The following RAD51B variants were observed in gnomAD, a reference collection of about 807,000 sequenced individuals.
The protein encoded by RAD51B is DNA repair protein RAD51 homolog 2.
A neutral mutation model predicts 42.2 loss-of-function variants in RAD51B; 38 were observed. That is an observed-to-expected ratio of 0.90 (90% CI 0.70 to 1.18). The LOEUF is 1.18. RAD51B is among the 50% of genes most tolerant of loss of function. The pLI, the probability that RAD51B is intolerant of heterozygous loss-of-function variation, is 0.00. For synonymous variants in RAD51B, 154 were observed against 145.2 expected (o/e 1.06, Z -0.43); for missense variants, 373 against 400.7 (o/e 0.93, Z 0.59).
intron 9 of RAD51B, among the ~76,000 whole-genome samples, chr14:68,428,716 T>C (rs1318962472): frequency 5.0e-3 from 10 of 1,984 alleles, no homozygotes; most frequent in African/African-American, 9.1e-3. Context: ...TTTATATATA[T>C]ATATATATAT....
intron 10 of RAD51B, among the ~76,000 whole-genome samples, chr14:68,549,029 C>G (rs1051242315): frequency 5.3e-5 from 8 of 152,088 alleles, no homozygotes; most frequent in African/African-American, 1.9e-4. Context: ...ATTCAGATCC[C>G]CAGGGAGTGA....
chr14:68,468,290 T>C (rs1485798509), intron 10 of RAD51B, 40 bp downstream of exon 10: 1 of 1,559,290 alleles, frequency 6.4e-7, no homozygotes. Context: ...AAGCTTATGC[T>C]CAGTGCTGCC....
intron 10 of RAD51B, 96 bp downstream of exon 10, chr14:68,468,346 C>T (rs754711267): frequency 3.0e-6 from 4 of 1,325,602 alleles, no homozygotes; most frequent in Non-Finnish European, 4.3e-6. Flanking sequence ...GAAGCTAGCT[C>T]CAGACAGAAT....
chr14:68,676,918 C>T (rs896425743), intron 11 of RAD51B, among the ~76,000 whole-genome samples: 3 of 152,196 alleles, frequency 2.0e-5, no homozygotes, highest in Admixed American at 6.5e-5. Flanking sequence ...CTTCTTGCAG[C>T]GCCACACTAG....
At chr14:68,378,003 T>G (rs2083406366) in intron 8 of RAD51B, among the ~76,000 whole-genome samples, 1 of 152,252 alleles carries the variant, frequency 6.6e-6, no homozygotes, top group Non-Finnish European at 1.5e-5. Context: ...CTGGTCATTC[T>G]GAAACTTAAT....
chr14:68,430,486 A>G (rs1017233140), intron 9 of RAD51B, among the ~76,000 whole-genome samples: 1 of 152,052 alleles, frequency 6.6e-6, no homozygotes, highest in Non-Finnish European at 1.5e-5. Flanking sequence ...TTGGATTCCT[A>G]GGTATTTTAT....
At chr14:68,590,593 A>T (rs2140076443) in intron 10 of RAD51B, among the ~76,000 whole-genome samples, 1 of 152,326 alleles carries the variant, frequency 6.6e-6, no homozygotes, top group South Asian at 2.1e-4. Context: ...AAGCCTGAGG[A>T]CTGGAACTGA....
In RAD51B at chr14:68,291,909, C is replaced by A; in HGVS notation, c.782C>A (p.Thr261Asn). 6.2e-7 allele frequency: 1 copy of A among 1,613,624 alleles called. No homozygotes were observed. The highest frequency in any genetic ancestry group is 8.5e-7 in the Non-Finnish European group (1 of 1,179,624). ...GTTATCTTGACGAATCAGATTACAA[C>A]CCATCTGAGTGGAGCCCTGGCTTCT... ...IPVILTNQITTHLSGALASQA... is the reference protein window; with the variant it reads ...IPVILTNQITNHLSGALASQA... Residue 261 changes from threonine (T) to asparagine (N), a missense_variant, in exon 8 of 11, where the codon ACC becomes AAC. Physicochemically the swap from Thr to Asn is moderately conservative, Grantham distance 65. Transcript: ENST00000471583.
intron 7 of RAD51B, among the ~76,000 whole-genome samples, chr14:67,991,820 C>T (rs1244802794): frequency 6.6e-6 from 1 of 151,924 alleles, no homozygotes; most frequent in Non-Finnish European, 1.5e-5. Context: ...TTGATATAGA[C>T]AGGAGTCAAA....
intron 7 of RAD51B, among the ~76,000 whole-genome samples, chr14:67,893,493 C>CAA (rs1566945246): frequency 2.5e-5 from 2 of 81,142 alleles, no homozygotes; most frequent in African/African-American, 6.1e-5. Flanking sequence ...CACACACACA[C>CAA]ACACACACAC....
chr14:68,238,413 A>T (rs2080311918), intron 7 of RAD51B, among the ~76,000 whole-genome samples: 1 of 151,680 alleles, frequency 6.6e-6, no homozygotes, highest in African/African-American at 2.4e-5. Flanking sequence ...CAGTTCTCTC[A>T]CCTCAGCCTC....
At position 68,610,720 on chromosome 14, in the gene RAD51B, C is replaced by T. The variant is rs551436165; in HGVS notation, c.1037-286C>T. ...CCTGTTCTTTACATCCATTTCCACC[C>T]ATCAGCACCTTATTCAATCGTACTC... On this transcript the variant is annotated intron_variant, in intron 10 of 10. Transcript: ENST00000487861. Among the ~76,000 whole-genome samples, 4 of 152,282 alleles carry T rather than the reference C, an allele frequency of 2.6e-5. No homozygotes were observed. In the South Asian group the frequency reaches 8.3e-4, roughly 32 times the overall value.
chr14:68,354,453 T>G (rs992487885), intron 8 of RAD51B, among the ~76,000 whole-genome samples: 2 of 152,136 alleles, frequency 1.3e-5, no homozygotes, highest in African/African-American at 2.4e-5. Context: ...GACCTCGTGA[T>G]CTACCCACCT....
chr14:67,844,624 AT>A (rs556636252), intron 4 of RAD51B, among the ~76,000 whole-genome samples: 77 of 147,796 alleles, frequency 5.2e-4, no homozygotes, highest in South Asian at 1.5e-3. Context: ...ATATATATAT[AT>A]TTTTTTTATT....
chr14:68,330,398 C>T (rs899661766), intron 8 of RAD51B, among the ~76,000 whole-genome samples: 1 of 152,148 alleles, frequency 6.6e-6, no homozygotes, highest in African/African-American at 2.4e-5. Flanking sequence ...TTGCCTTAGA[C>T]ATTTCATTTT....
At position 68,327,544 on chromosome 14, in the gene RAD51B, A is replaced by G. The variant is rs943687219; in HGVS notation, c.853+35564A>G. Among the ~76,000 whole-genome samples the G allele has an allele frequency of 2.6e-5, 4 of 152,122 alleles. No individual in the cohort carries two copies. The East Asian group carries it at 7.7e-4, about 29-fold the overall frequency. On this transcript the variant is annotated intron_variant, in intron 8 of 10. Coordinates refer to ENST00000471583, the MANE Select transcript of RAD51B (RefSeq NM_133510.4). ...AAAGACTCCTCTGGGAATCCAACTA[A>G]ATTTCCTGGTTCCCTTTTGCTTTTA...
At chr14:68,417,295 G>A (rs1016746305) in intron 9 of RAD51B, among the ~76,000 whole-genome samples, 4 of 152,180 alleles carry the variant, frequency 2.6e-5, no homozygotes, top group Non-Finnish European at 4.4e-5. Context: ...ACTAGATCCC[G>A]CCAGAGGAGA....
chr14:68,561,610 C>G (rs762218650), intron 10 of RAD51B, among the ~76,000 whole-genome samples: 8 of 152,156 alleles, frequency 5.3e-5, no homozygotes, highest in Non-Finnish European at 8.8e-5. Flanking sequence ...GCAAGTTCCC[C>G]GTGTGGCTTC....
chr14:68,652,195 A>G (rs1420492503), intron 11 of RAD51B, among the ~76,000 whole-genome samples: 2 of 152,188 alleles, frequency 1.3e-5, no homozygotes, highest in East Asian at 3.8e-4. Flanking sequence ...AAATTATTGC[A>G]AGTCATGGCG....
Sources: gnomAD v4.1 joint callset for allele counts (sites outside exome capture counted in the v4.1 genomes callset) on GRCh38, gnomAD v4.1.1 for gene constraint, MANE v1.5 for transcripts, NCBI Gene and HGNC (gene_info 2026-07-23, HGNC 2026-07-21) for gene names.